GRIN2A: variants seen among roughly 807,000 people sequenced by gnomAD.
The protein encoded by GRIN2A is glutamate receptor ionotropic, NMDA 2A.
Under a neutral mutation model 113.4 loss-of-function variants are expected in GRIN2A, and 22 were observed. The observed-to-expected ratio is 0.19, with a 90% CI of 0.14 to 0.28. GRIN2A has a LOEUF of 0.28. Among genes scored for constraint, GRIN2A ranks in the 10% least tolerant of loss-of-function variants. The pLI is 1.00. For missense variants in GRIN2A, 1,502 were observed against 1,887.0 expected, an observed-to-expected ratio of 0.80 and a Z score of 3.78; for synonymous variants, 827 against 738.4, an observed-to-expected ratio of 1.12 and a Z score of -1.94.
chr16:9,873,264 G>C (rs1273778727), intron 4 of GRIN2A, among the ~76,000 whole-genome samples: 1 of 152,112 alleles, frequency 6.6e-6, no homozygotes, highest in Non-Finnish European at 1.5e-5. Context: ...ATTTGTGAGA[G>C]GGATACTCAA....
chr16:9,877,901 G>A (rs774276168), intron 4 of GRIN2A, among the ~76,000 whole-genome samples: 3 of 128,766 alleles, frequency 2.3e-5, no homozygotes, highest in Admixed American at 9.0e-5. Flanking sequence ...TGCTTTCCCC[G>A]CTTCCTCAGG....
chr16:10,047,296 G>A (rs1012148029), intron 2 of GRIN2A, among the ~76,000 whole-genome samples: 2 of 152,174 alleles, frequency 1.3e-5, no homozygotes, highest in Non-Finnish European at 2.9e-5. Flanking sequence ...GCTTGTGGAT[G>A]TTACTGTCTC....
At chr16:9,930,296 T>A (rs192548883) in intron 3 of GRIN2A, among the ~76,000 whole-genome samples, 29 of 152,274 alleles carry the variant, frequency 1.9e-4, no homozygotes, top group Non-Finnish European at 7.4e-5. Context: ...ATCCTCCCTA[T>A]TCTTGGAATT....
At chr16:9,779,413 G>A (rs1901806683) in intron 11 of GRIN2A, among the ~76,000 whole-genome samples, 2 of 152,160 alleles carry the variant, frequency 1.3e-5, no homozygotes, top group South Asian at 4.1e-4. Context: ...AAGCGAAATG[G>A]ATCACTTCCA....
chr16:10,113,211 G>A (rs980687410), intron 2 of GRIN2A, among the ~76,000 whole-genome samples: 1 of 151,942 alleles, frequency 6.6e-6, no homozygotes, highest in African/African-American at 2.4e-5. Flanking sequence ...GGCCCCACCT[G>A]GCTTCTCCTG....
chr16:9,777,715 G>A (rs935853593), intron 11 of GRIN2A, among the ~76,000 whole-genome samples: 3 of 152,124 alleles, frequency 2.0e-5, no homozygotes, highest in African/African-American at 7.2e-5. Context: ...GTGATTAGTC[G>A]CACAAGTTGG....
intron 2 of GRIN2A, among the ~76,000 whole-genome samples, chr16:9,993,677 G>T (rs1460343073): frequency 6.6e-6 from 1 of 152,120 alleles, no homozygotes; most frequent in Non-Finnish European, 1.5e-5. Flanking sequence ...TGCAGGTTGG[G>T]AAACAAAGAC....
intron 2 of GRIN2A, among the ~76,000 whole-genome samples, chr16:10,160,526 T>C (rs889826526): frequency 6.6e-6 from 1 of 152,160 alleles, no homozygotes; most frequent in Admixed American, 6.5e-5. Context: ...ACAAGAAGGA[T>C]CAAAGCCCCA....
intron 3 of GRIN2A, among the ~76,000 whole-genome samples, chr16:9,929,552 C>G (rs1385582494): frequency 2.0e-5 from 3 of 152,194 alleles, no homozygotes. Flanking sequence ...ACCACTTCCT[C>G]TTTCCTAGAC....
chr16:10,077,057 A>T lies in GRIN2A; in HGVS notation c.414+102941T>A, dbSNP rs13336718. ...TAGAAAGAGATGTGACTTCAGAAGAAAGGCACAGAGGAATGCAATGTTGCT... is the reference window on the plus strand; with the variant it reads ...TAGAAAGAGATGTGACTTCAGAAGATAGGCACAGAGGAATGCAATGTTGCT... On this transcript the variant is annotated intron_variant, in intron 2 of 12. Transcript: ENST00000330684. Among the ~76,000 whole-genome samples, 643 of 152,318 alleles carry T rather than the reference A, an allele frequency of 4.2e-3. 5 individuals carry two copies. The highest frequency in any genetic ancestry group is 0.014 in the African/African-American group (591 of 41,566).
chr16:10,025,595 C>G (rs1178119515), intron 2 of GRIN2A, among the ~76,000 whole-genome samples: 1 of 152,098 alleles, frequency 6.6e-6, no homozygotes, highest in Non-Finnish European at 1.5e-5. Flanking sequence ...AATCACCATG[C>G]CTGACACAGC....
intron 10 of GRIN2A, among the ~76,000 whole-genome samples, chr16:9,820,641 A>C (rs1460762660): frequency 1.3e-5 from 2 of 152,236 alleles, no homozygotes; most frequent in Non-Finnish European, 2.9e-5. Flanking sequence ...CAAAGACGAC[A>C]AAAAAGAAAA....
intron 2 of GRIN2A, among the ~76,000 whole-genome samples, chr16:10,122,126 G>T (rs2048848210): frequency 6.6e-6 from 1 of 152,148 alleles, no homozygotes; most frequent in Admixed American, 6.5e-5. Flanking sequence ...TTGACAAATA[G>T]GTTATTTTTC....
At chr16:10,128,042 C>CA (rs772018047) in intron 2 of GRIN2A, among the ~76,000 whole-genome samples, 4 of 152,098 alleles carry the variant, frequency 2.6e-5, no homozygotes, top group Non-Finnish European at 5.9e-5. Flanking sequence ...CAGCAGACCC[C>CA]AAAAAAGACT....
chr16:10,138,427 C>T (rs767023333), intron 2 of GRIN2A, among the ~76,000 whole-genome samples: 2 of 152,148 alleles, frequency 1.3e-5, no homozygotes, highest in Non-Finnish European at 2.9e-5. Context: ...AAGCGAGGAA[C>T]ATCTCACACA....
intron 2 of GRIN2A, among the ~76,000 whole-genome samples, chr16:10,003,640 G>A (rs1398066169): frequency 1.3e-5 from 2 of 152,128 alleles, no homozygotes; most frequent in South Asian, 2.1e-4. Flanking sequence ...CACTTTATAC[G>A]AATGACATGA....
chr16:10,074,099 C>T (rs1176491957), intron 2 of GRIN2A, among the ~76,000 whole-genome samples: 1 of 152,112 alleles, frequency 6.6e-6, no homozygotes, highest in Non-Finnish European at 1.5e-5. Context: ...AGATGGCATA[C>T]AAACAGCCAC....
intron 12 of GRIN2A, among the ~76,000 whole-genome samples, chr16:9,765,534 T>A (rs1228782947): frequency 6.6e-6 from 1 of 152,184 alleles, no homozygotes; most frequent in Non-Finnish European, 1.5e-5. Context: ...ATGAAATTCA[T>A]GTGAGGCTCA....
chr16:10,111,814 A>G, intron 2 of GRIN2A: 4 of 1,312,504 alleles, frequency 3.0e-6, no homozygotes, highest in African/African-American at 1.4e-5. Context: ...CATCCTCATC[A>G]CTGAGATGGG....
Sources: allele counts gnomAD v4.1 joint callset (sites outside exome capture counted in the v4.1 genomes callset), GRCh38; gene constraint gnomAD v4.1.1; transcripts MANE v1.5; gene names NCBI Gene and HGNC (gene_info 2026-07-23, HGNC 2026-07-21).